Variants in GRB10 observed in about 807,000 individuals in gnomAD.
The protein encoded by GRB10 is growth factor receptor bound protein 10, also known as growth factor receptor-bound protein 10.
A neutral mutation model predicts 80.9 loss-of-function variants in GRB10; 20 were observed. The ratio of observed to expected loss-of-function variants is 0.25; its 90% CI spans 0.17 to 0.36. The LOEUF (loss-of-function observed/expected upper bound fraction) is 0.36. Among genes scored for constraint, GRB10 ranks in the 10% least tolerant of loss-of-function variants. The pLI is 1.00. For missense variants in GRB10, 548 were observed against 747.7 expected (o/e 0.73, Z 3.12); for synonymous variants, 291 against 291.5 (o/e 1.00, Z 0.02).
intron 4 of GRB10, among the ~76,000 whole-genome samples, chr7:50,728,921 T>C (rs1393484828): frequency 6.6e-6 from 1 of 152,238 alleles, no homozygotes; most frequent in African/African-American, 2.4e-5. Context: ...TCCACCCGCC[T>C]CTGCCTCCCA....
At chr7:50,791,721 G>C (rs1360740972) in intron 1 of GRB10, among the ~76,000 whole-genome samples, 2 of 152,172 alleles carry the variant, frequency 1.3e-5, no homozygotes, top group African/African-American at 4.8e-5. Context: ...CCTGTAATCT[G>C]GGGATTGGCC....
chr7:50,728,200 C>G (rs1392738250), intron 4 of GRB10, among the ~76,000 whole-genome samples: 4 of 96,640 alleles, frequency 4.1e-5, no homozygotes, highest in Non-Finnish European at 8.0e-5. Context: ...ATAAAATGTT[C>G]TTTAGCCAAA....
intron 2 of GRB10, among the ~76,000 whole-genome samples, chr7:50,766,635 A>T (rs2076366041): frequency 6.6e-6 from 1 of 152,142 alleles, no homozygotes; most frequent in East Asian, 1.9e-4. Flanking sequence ...TGCACAGTTG[A>T]TAAAGATCTC....
rs913526483 is a variant in GRB10 at position 50,601,126 on chromosome 7, G to A, written c.1544+2872C>T. Reference sequence around the variant, plus strand: ...GCAGAGACTGCGGGAACTGCGCAGCGCAGTACTTGCAGCACGCTACATTTG... The same window carrying A: ...GCAGAGACTGCGGGAACTGCGCAGCACAGTACTTGCAGCACGCTACATTTG... On this transcript the variant is annotated intron_variant, in intron 17 of 18. Transcript: ENST00000401949. 7.2e-5 allele frequency among the ~76,000 whole-genome samples: 11 copies of A among 152,350 alleles called. No homozygotes were observed. In the East Asian group the frequency reaches 1.3e-3, roughly 19 times the overall value.
intron 4 of GRB10, among the ~76,000 whole-genome samples, chr7:50,718,603 C>A (rs948447461): frequency 1.3e-5 from 2 of 152,170 alleles, no homozygotes; most frequent in African/African-American, 4.8e-5. Context: ...AACCCGCACT[C>A]TACATCTAAT....
chr7:50,712,617 C>CT (rs555907597), intron 4 of GRB10, among the ~76,000 whole-genome samples: 378 of 152,346 alleles, frequency 2.5e-3, no homozygotes, highest in Non-Finnish European at 3.8e-3. Context: ...GCCTAAAAAA[C>CT]ACACAGATCA....
chr7:50,772,068 G>T (rs984695138), intron 2 of GRB10, among the ~76,000 whole-genome samples: 1 of 152,168 alleles, frequency 6.6e-6, no homozygotes, highest in Non-Finnish European at 1.5e-5. Flanking sequence ...TTGTGATGCG[G>T]ATGTGGATCT....
intron 7 of GRB10, among the ~76,000 whole-genome samples, chr7:50,640,386 T>C (rs2237449): frequency 0.9 from 137,529 of 152,216 alleles, 62,341 homozygotes; most frequent in African/African-American, 0.97. Context: ...TTCGAGGTAA[T>C]CTTCAGATGG....
At chr7:50,705,309 C>A in intron 4 of GRB10, 1 of 985,536 alleles carries the variant, frequency 1.0e-6, no homozygotes, top group Non-Finnish European at 1.2e-6. Context: ...GCGTTCACAC[C>A]TTCCTCCAGA....
intron 13 of GRB10, among the ~76,000 whole-genome samples, chr7:50,610,294 C>T (rs1166752264): frequency 6.6e-6 from 1 of 152,244 alleles, no homozygotes; most frequent in Non-Finnish European, 1.5e-5. Flanking sequence ...ACTCAAATGG[C>T]GTTTCGATTG....
At chr7:50,749,119 T>G (rs2073623093) in intron 3 of GRB10, among the ~76,000 whole-genome samples, 1 of 75,844 alleles carries the variant, frequency 1.3e-5, no homozygotes. Context: ...TTTGTTTTGT[T>G]TTGTTTTTTT....
chr7:50,604,378 C>T lies in GRB10; in HGVS notation c.1390-1G>A. ...GGATGTTCATCCGTGTGCTTCGCTT[C>T]TGCAAAAGAAATCCCACATTAGCAC... On this transcript the variant is annotated splice_acceptor_variant, in intron 15 of 18. Coordinates refer to ENST00000401949, the MANE Select transcript of GRB10 (RefSeq NM_001350814.2). LOFTEE classifies it high-confidence loss of function. The T allele has an allele frequency of 6.2e-7, 1 of 1,612,240 alleles. No individual in the cohort carries two copies. Among genetic ancestry groups the T allele is most frequent in the Non-Finnish European group, 8.5e-7 (1 of 1,179,172 alleles).
intron 5 of GRB10, among the ~76,000 whole-genome samples, chr7:50,682,752 A>G (rs1478654211): frequency 6.6e-6 from 1 of 152,220 alleles, no homozygotes; most frequent in Non-Finnish European, 1.5e-5. Context: ...AGATTTCATG[A>G]CAGAAAATGG....
chr7:50,699,485 G>A (rs2063867661), intron 5 of GRB10, among the ~76,000 whole-genome samples: 1 of 152,152 alleles, frequency 6.6e-6, no homozygotes, highest in Admixed American at 6.5e-5. Context: ...GTGAAGAGTT[G>A]TATTAAATAC....
chr7:50,778,644 A>C (rs751838038), intron 2 of GRB10, among the ~76,000 whole-genome samples: 5 of 152,168 alleles, frequency 3.3e-5, no homozygotes, highest in Non-Finnish European at 4.4e-5. Context: ...CCCTACCTCC[A>C]AGGGTAGGGT....
chr7:50,756,046 C>A lies in GRB10; in HGVS notation c.-206G>T. 1 of 398,708 alleles carries A rather than the reference C, an allele frequency of 2.5e-6. No individual in the cohort carries two copies. The highest frequency in any genetic ancestry group is 1.3e-4 in the South Asian group (1 of 7,854). 24.7% of individuals were successfully genotyped at this position (398,708 alleles called of 1,614,324 possible). ...GCTGCTTCCTGCTCAGCATTGTGGT[C>A]AGCGCCAAAGCTGGAAAGTCAAACG... On this transcript the variant is annotated 5_prime_UTR_variant, in exon 3 of 19. Coordinates refer to ENST00000401949, the MANE Select transcript of GRB10 (RefSeq NM_001350814.2).
At chr7:50,616,730 C>T (rs979079629) in intron 10 of GRB10, among the ~76,000 whole-genome samples, 2 of 152,218 alleles carry the variant, frequency 1.3e-5, no homozygotes, top group Non-Finnish European at 2.9e-5. Flanking sequence ...GGCACCCCTC[C>T]AGTCAAGGGT....
intron 4 of GRB10, among the ~76,000 whole-genome samples, chr7:50,715,223 C>T (rs558485057): frequency 1.3e-3 from 201 of 151,614 alleles, no homozygotes; most frequent in African/African-American, 4.7e-3. Flanking sequence ...GAAGGGCAGG[C>T]GCGATCTGGA....
At chr7:50,721,805 A>G (rs2067796082) in intron 4 of GRB10, among the ~76,000 whole-genome samples, 1 of 152,214 alleles carries the variant, frequency 6.6e-6, no homozygotes, top group Non-Finnish European at 1.5e-5. Context: ...AGGAGGGGTC[A>G]GGCAGAGGGA....
Sources: gnomAD v4.1 joint callset for allele counts (sites outside exome capture counted in the v4.1 genomes callset) on GRCh38, gnomAD v4.1.1 for gene constraint, MANE v1.5 for transcripts, NCBI Gene and HGNC (gene_info 2026-07-23, HGNC 2026-07-21) for gene names.